The following RBFOX3 variants were observed in gnomAD, a reference collection of about 807,000 sequenced individuals.
The protein encoded by RBFOX3 is RNA binding protein fox-1 homolog 3.
A neutral mutation model predicts 48.7 loss-of-function variants in RBFOX3; 17 were observed. The ratio of observed to expected loss-of-function variants is 0.35; its 90% CI spans 0.24 to 0.52. The LOEUF is 0.52. Ranked by LOEUF, RBFOX3 falls within the 20% of genes least tolerant of loss-of-function variation. The pLI, the probability that RBFOX3 is intolerant of heterozygous loss-of-function variation, is 0.94. For synonymous variants in RBFOX3, 212 were observed against 209.5 expected (o/e 1.01, Z -0.10); for missense variants, 382 against 497.5 (o/e 0.77, Z 2.21).
intron 9 of RBFOX3, chr17:79,099,441 G>A (rs1467370017): frequency 6.6e-6 from 1 of 152,258 alleles, no homozygotes; most frequent in Non-Finnish European, 1.5e-5. Context: ...GAAATGTTTT[G>A]TTTTCTGGGA....
chr17:79,247,464 A>G (rs965090446), intron 3 of RBFOX3, among the ~76,000 whole-genome samples: 1 of 151,816 alleles, frequency 6.6e-6, no homozygotes, highest in African/African-American at 2.4e-5. Flanking sequence ...AGGTGTGCAC[A>G]CCAAGCCTGG....
chr17:79,643,764 T>C, the RBFOX3 span, among the ~76,000 whole-genome samples: 1 of 152,108 alleles, frequency 6.6e-6, no homozygotes, highest in Non-Finnish European at 1.5e-5. Context: ...GAAACAAATA[T>C]CAAAATTTGT....
intron 1 of RBFOX3, among the ~76,000 whole-genome samples, chr17:79,557,432 T>C (rs2091863382): frequency 7.0e-6 from 1 of 143,402 alleles, no homozygotes; most frequent in African/African-American, 2.6e-5. Flanking sequence ...CCAAGTCCAG[T>C]CTACTCACAG....
rs1187807003 is a variant in RBFOX3, at chr17:79,559,157, G to A, written c.-320+51669C>T. 2.0e-5 allele frequency among the ~76,000 whole-genome samples: 3 copies of A among 152,172 alleles called. No homozygotes were observed. The East Asian group carries it at 5.8e-4, about 29-fold the overall frequency. ...GAATAGAGCTCCCTGAGGATGGGAG[G>A]GGCGGGGGTTGTCTGTCTTTTTTTC... On this transcript the variant is annotated intron_variant, in intron 1 of 14. Coordinates refer to ENST00000693108, the MANE Select transcript of RBFOX3 (RefSeq NM_001350451.2).
chr17:79,532,474 T>C (rs1015384789), intron 1 of RBFOX3, among the ~76,000 whole-genome samples: 1 of 152,090 alleles, frequency 6.6e-6, no homozygotes, highest in Admixed American at 6.5e-5. Flanking sequence ...GCTGCAGAGA[T>C]GGACAGAAAG....
intron 1 of RBFOX3, among the ~76,000 whole-genome samples, chr17:79,496,577 C>T (rs2081571709): frequency 6.6e-6 from 1 of 152,186 alleles, no homozygotes; most frequent in Non-Finnish European, 1.5e-5. Flanking sequence ...GCTGCCCAGG[C>T]CCTGGCGGGG....
intron 3 of RBFOX3, among the ~76,000 whole-genome samples, chr17:79,263,441 C>G (rs140713994): frequency 9.2e-5 from 14 of 152,372 alleles, no homozygotes; most frequent in Non-Finnish European, 1.6e-4. Context: ...CAGAGGCCTT[C>G]TGCCCCTGGT....
In RBFOX3 at chr17:79,093,398, G is replaced by A. The variant is rs190143934; in HGVS notation, c.1077+1053C>T. On this transcript the variant is annotated intron_variant, in intron 14 of 14. Transcript: ENST00000693108. ...AAACACAAGAGGGAACCCTCCGTGCGTTAATGAAAGCTTTTAGCTTGCAGC... is the reference window on the plus strand; with the variant it reads ...AAACACAAGAGGGAACCCTCCGTGCATTAATGAAAGCTTTTAGCTTGCAGC... 8.4e-4 allele frequency among the ~76,000 whole-genome samples: 128 copies of A among 152,256 alleles called. 2 individuals are homozygous for A. The highest frequency in any genetic ancestry group is 2.9e-3 in the African/African-American group (122 of 41,556).
chr17:79,353,542 C>G (rs1223311258), intron 2 of RBFOX3, among the ~76,000 whole-genome samples: 1 of 152,226 alleles, frequency 6.6e-6, no homozygotes, highest in Non-Finnish European at 1.5e-5. Flanking sequence ...ATATAAGAAG[C>G]AATACTGCCC....
intron 1 of RBFOX3, among the ~76,000 whole-genome samples, chr17:79,526,467 C>T: frequency 6.6e-6 from 1 of 152,244 alleles, no homozygotes; most frequent in East Asian, 1.9e-4. Flanking sequence ...GTGCCTCCGC[C>T]ACTGACAAAC....
At chr17:79,503,404 A>C (rs1285267430) in intron 1 of RBFOX3, among the ~76,000 whole-genome samples, 1 of 152,256 alleles carries the variant, frequency 6.6e-6, no homozygotes, top group African/African-American at 2.4e-5. Context: ...CATATTTTAA[A>C]AAATTGAAAA....
chr17:79,191,794 C>G (rs1397123822), intron 4 of RBFOX3, among the ~76,000 whole-genome samples: 1 of 152,182 alleles, frequency 6.6e-6, no homozygotes, highest in Non-Finnish European at 1.5e-5. Flanking sequence ...CACACCTCCA[C>G]AATGACAGAG....
At chr17:79,581,582 C>T (rs1230494641) in intron 1 of RBFOX3, among the ~76,000 whole-genome samples, 2 of 152,228 alleles carry the variant, frequency 1.3e-5, no homozygotes, top group African/African-American at 2.4e-5. Flanking sequence ...TGTGTAGACG[C>T]TCCTTGGCCT....
At chr17:79,645,074 G>A in the RBFOX3 span, among the ~76,000 whole-genome samples, 1 of 152,146 alleles carries the variant, frequency 6.6e-6, no homozygotes, top group Admixed American at 6.5e-5. Context: ...AATATACTCA[G>A]AGTCTAATCA....
chr17:79,631,770 C>G, the RBFOX3 span, among the ~76,000 whole-genome samples: 1 of 152,208 alleles, frequency 6.6e-6, no homozygotes, highest in African/African-American at 2.4e-5. Flanking sequence ...CCCATCTTCA[C>G]GGGCCTAGCT....
chr17:79,256,707 C>G (rs1008912012), intron 3 of RBFOX3, among the ~76,000 whole-genome samples: 3 of 152,076 alleles, frequency 2.0e-5, no homozygotes, highest in African/African-American at 7.2e-5. Context: ...CACCTGAGGT[C>G]AGGAGTTTGA....
chr17:79,136,466 C>T lies in RBFOX3; in HGVS notation c.-33-20718G>A, dbSNP rs183477466. The T allele has an allele frequency of 1.1e-3, 163 of 152,978 alleles. 4 individuals carry two copies. The East Asian group carries it at 0.026, about 25-fold the overall frequency. The allele number at this position is 152,978 out of a possible 1,614,324, so 9.5% of individuals were successfully genotyped here. A position where few individuals can be genotyped will look rare whatever the true frequency, so the allele number is the denominator to read the frequency against. On this transcript the variant is annotated intron_variant, in intron 4 of 14. Transcript: ENST00000693108. ...GCCCAGGAGCGGAGGGGACCCCATGCTGTGAAGAAGCACCCCCCACCGGCC... is the reference window on the plus strand; with the variant it reads ...GCCCAGGAGCGGAGGGGACCCCATGTTGTGAAGAAGCACCCCCCACCGGCC...
chr17:79,360,156 C>T (rs2086028538), intron 2 of RBFOX3, among the ~76,000 whole-genome samples: 1 of 152,180 alleles, frequency 6.6e-6, no homozygotes, highest in African/African-American at 2.4e-5. Flanking sequence ...ATGCTGTGCT[C>T]ATGAAACAAA....
intron 2 of RBFOX3, among the ~76,000 whole-genome samples, chr17:79,353,248 A>G (rs1214591451): frequency 6.6e-6 from 1 of 152,082 alleles, no homozygotes; most frequent in East Asian, 1.9e-4. Context: ...GTCCCTGCTG[A>G]AGTCTCCTTC....
Sources: gnomAD v4.1 joint callset for allele counts (sites outside exome capture counted in the v4.1 genomes callset) on GRCh38, gnomAD v4.1.1 for gene constraint, MANE v1.5 for transcripts, NCBI Gene and HGNC (gene_info 2026-07-23, HGNC 2026-07-21) for gene names.